FAIM2: variants seen among roughly 807,000 people sequenced by gnomAD.
FAIM2 encodes the protein Fas apoptotic inhibitory molecule 2, also known as protein lifeguard 2.
FAIM2 carries 27 observed loss-of-function variants against 47.4 expected under a neutral mutation model. The ratio of observed to expected loss-of-function variants is 0.57; its 90% CI spans 0.42 to 0.78. The LOEUF (loss-of-function observed/expected upper bound fraction) is 0.78, where lower values mean the gene tolerates loss of function less well. Among genes scored for constraint, FAIM2 ranks in the 30% least tolerant of loss-of-function variants. The pLI is 0.00. For synonymous variants in FAIM2, 156 were observed against 159.3 expected (o/e 0.98, Z 0.16); for missense variants, 311 against 389.4 (o/e 0.80, Z 1.69).
intron 11 of FAIM2, among the ~76,000 whole-genome samples, chr12:49,872,015 T>C (rs996354309): frequency 6.6e-6 from 1 of 152,200 alleles, no homozygotes; most frequent in Non-Finnish European, 1.5e-5. Context: ...AACTGGGCTC[T>C]TCAGTCACTT....
At chr12:49,894,400 A>G (rs1440300995) in intron 5 of FAIM2, among the ~76,000 whole-genome samples, 2 of 152,100 alleles carry the variant, frequency 1.3e-5, no homozygotes, top group African/African-American at 4.8e-5. Context: ...ACGGTGGCTC[A>G]GTGGGCACAA....
chr12:49,901,307 C>T lies in FAIM2; in HGVS notation c.34G>A (p.Ala12Thr). Residue 12 changes from alanine to threonine, a missense_variant, in exon 2 of 12, where the codon GCC becomes ACC. Transcript: ENST00000320634. ...TQGKLSVANK[A>T]PGTEGQQQVH... is the part of the protein sequence containing the mutation. Reference sequence around the variant, plus strand: ...TGCTGCTGCCCCTCGGTCCCAGGGGCCTTGTTAGCCACGGAGAGCTATGGA... The same window carrying T: ...TGCTGCTGCCCCTCGGTCCCAGGGGTCTTGTTAGCCACGGAGAGCTATGGA... 6.3e-7 allele frequency: 1 copy of T among 1,591,442 alleles called. No individual in the cohort carries two copies. The highest frequency in any genetic ancestry group is 8.5e-7 in the Non-Finnish European group (1 of 1,171,560).
intron 1 of FAIM2, among the ~76,000 whole-genome samples, chr12:49,903,260 C>A (rs1946993687): frequency 6.6e-6 from 1 of 152,236 alleles, no homozygotes; most frequent in Admixed American, 6.5e-5. Context: ...GTTGTCATAG[C>A]AAGCCCCAAG....
At chr12:49,895,659 A>G (rs2137104010) in intron 5 of FAIM2, among the ~76,000 whole-genome samples, 1 of 152,260 alleles carries the variant, frequency 6.6e-6, no homozygotes, top group South Asian at 2.1e-4. Context: ...CCTCTGCTCT[A>G]GGAAAGACTT....
At chr12:49,896,561 C>T (rs937464760) in intron 5 of FAIM2, among the ~76,000 whole-genome samples, 3 of 152,164 alleles carry the variant, frequency 2.0e-5, no homozygotes, top group Non-Finnish European at 2.9e-5. Flanking sequence ...ATGTGAGGAC[C>T]GAATGCAATA....
intron 7 of FAIM2, 55 bp from the exon 8 acceptor site, chr12:49,890,209 G>C: frequency 6.4e-7 from 1 of 1,570,148 alleles, no homozygotes; most frequent in South Asian, 1.1e-5. Flanking sequence ...AGGGGCCCAG[G>C]CACCCTCGAG....
At chr12:49,894,547 C>T (rs1421055720) in intron 5 of FAIM2, among the ~76,000 whole-genome samples, 7 of 152,012 alleles carry the variant, frequency 4.6e-5, no homozygotes, top group Non-Finnish European at 8.8e-5. Flanking sequence ...GAGAGAGAAC[C>T]AATGATTTAT....
Position 49,889,171 on chromosome 12 carries a change from A to G in FAIM2, c.683T>C (p.Phe228Ser). The G allele has an allele frequency of 6.2e-7, 1 of 1,612,518 alleles. No homozygotes were observed. The highest frequency in any genetic ancestry group is 8.5e-7 in the Non-Finnish European group (1 of 1,179,400). The stretch of plus-strand genomic sequence containing the variant: ...GAAGAAAAGAGTCATGAGAAGCACG[A>G]AGAGCACGCCCTGGCAGGAGGTGAA... ...FDFTSCQGVL[F>S]VLLMTLFFSG... is the part of the protein sequence containing the mutation. The change falls in exon 10 of 12, where the codon TTC becomes TCC. Residue 228 changes from phenylalanine to serine, a missense_variant. Physicochemically the swap from Phe to Ser is radical, Grantham distance 155. Transcript: ENST00000320634.
intron 9 of FAIM2, 34 bp from the exon 10 acceptor site, chr12:49,889,236 G>C: frequency 6.5e-7 from 1 of 1,544,764 alleles, no homozygotes; most frequent in Non-Finnish European, 8.9e-7. Flanking sequence ...CTGCAGGAGC[G>C]GCCTGACCTT....
At chr12:49,886,232 C>T (rs764576786) in intron 11 of FAIM2, among the ~76,000 whole-genome samples, 2 of 152,300 alleles carry the variant, frequency 1.3e-5, no homozygotes, top group East Asian at 1.9e-4. Context: ...CATTCGGGTG[C>T]GTGGGGCCCA....
At chr12:49,901,090 A>C (rs1946978244) in intron 2 of FAIM2, 40 bp downstream of exon 2, 2 of 1,487,336 alleles carry the variant, frequency 1.3e-6, no homozygotes, top group East Asian at 2.6e-5. Context: ...GTCCACCCCC[A>C]CCCCATGATG....
At chr12:49,878,131 TGA>T (rs1262907870) in intron 11 of FAIM2, among the ~76,000 whole-genome samples, 1 of 135,946 alleles carries the variant, frequency 7.4e-6, no homozygotes, top group Non-Finnish European at 1.6e-5. Flanking sequence ...TGTGTGCATG[TGA>T]GTGTGCATGT....
intron 11 of FAIM2, among the ~76,000 whole-genome samples, chr12:49,882,788 CTCCTGGGTACCTACTA>C (rs1344915343): frequency 6.6e-6 from 1 of 152,162 alleles, no homozygotes. Flanking sequence ...CCACAAACAT[CTCCTGGGTACCTACTA>C]TGTACCAGGC....
chr12:49,875,603 C>T (rs930029450), intron 11 of FAIM2, among the ~76,000 whole-genome samples: 3 of 152,058 alleles, frequency 2.0e-5, no homozygotes, highest in Non-Finnish European at 4.4e-5. Context: ...GGCAGGCATT[C>T]GAATCAAAAA....
At chr12:49,894,216 T>G (rs1207873392) in intron 5 of FAIM2, among the ~76,000 whole-genome samples, 1 of 152,160 alleles carries the variant, frequency 6.6e-6, no homozygotes. Context: ...TTCAAGCACT[T>G]TGCGTGGGCC....
At chr12:49,887,526 AG>A (rs1246121131) in intron 10 of FAIM2, 87 bp from the exon 11 acceptor site, 3 of 1,178,646 alleles carry the variant, frequency 2.5e-6, no homozygotes, top group Admixed American at 1.9e-5. Flanking sequence ...CAGAGAATGG[AG>A]GACACGGGGT....
chr12:49,886,628 C>T (rs971390753), intron 11 of FAIM2, among the ~76,000 whole-genome samples: 2 of 152,090 alleles, frequency 1.3e-5, no homozygotes, highest in African/African-American at 4.8e-5. Flanking sequence ...GCGCCCGCCA[C>T]CACACCCGGC....
chr12:49,880,112 GTA>G (rs1946799158), intron 11 of FAIM2, among the ~76,000 whole-genome samples: 2 of 151,742 alleles, frequency 1.3e-5, no homozygotes, highest in South Asian at 4.2e-4. Context: ...GTGCGTCTGT[GTA>G]TGTGTGTGCA....
chr12:49,870,446 G>C lies in FAIM2; in HGVS notation c.*58C>G, dbSNP rs1027060974. 1.1e-5 allele frequency: 16 copies of C among 1,520,802 alleles called. No homozygotes were observed. The highest frequency in any genetic ancestry group is 1.4e-5 in the Non-Finnish European group (16 of 1,103,564). 94.2% of individuals were successfully genotyped at this position (1,520,802 alleles called of 1,614,324 possible). A position where few individuals can be genotyped will look rare whatever the true frequency, so the allele number is the denominator to read the frequency against. On this transcript the variant is annotated 3_prime_UTR_variant, in exon 12 of 12. Transcript: ENST00000320634. ...TCTGGTCTCGCAGGAGCGCAGGGGA[G>C]GGACAGGGAACCAGGAGGGGCGCAT...
Sources: allele counts gnomAD v4.1 joint callset (sites outside exome capture counted in the v4.1 genomes callset), GRCh38; gene constraint gnomAD v4.1.1; transcripts MANE v1.5; gene names NCBI Gene and HGNC (gene_info 2026-07-23, HGNC 2026-07-21).